Variants in CPT1A observed in about 807,000 individuals in gnomAD.
CPT1A encodes the protein carnitine palmitoyltransferase 1A.
A neutral mutation model predicts 100.8 loss-of-function variants in CPT1A; 64 were observed. The observed-to-expected ratio is 0.63, with a 90% CI of 0.52 to 0.78. The LOEUF (loss-of-function observed/expected upper bound fraction) is 0.78. CPT1A is among the 30% of genes least tolerant of loss of function. CPT1A has a pLI of 0.00. For missense variants in CPT1A, 802 were observed against 1,034.1 expected (o/e 0.78, Z 3.08); for synonymous variants, 363 against 396.0 (o/e 0.92, Z 0.99).
At chr11:68,815,201 C>T (rs1258452228) in intron 2 of CPT1A, 133 bp downstream of exon 2, 19 of 903,828 alleles carry the variant, frequency 2.1e-5, no homozygotes, top group Non-Finnish European at 3.3e-5. Context: ...TGTCCCCAAG[C>T]CTTAAGTACC....
intron 9 of CPT1A, among the ~76,000 whole-genome samples, chr11:68,792,709 C>T (rs1394425309): frequency 2.0e-5 from 3 of 152,328 alleles, no homozygotes; most frequent in East Asian, 1.9e-4. Flanking sequence ...CCATCACAAA[C>T]GCTGACTGTG....
intron 14 of CPT1A, among the ~76,000 whole-genome samples, chr11:68,769,008 G>C (rs1284630128): frequency 1.3e-5 from 2 of 152,128 alleles, no homozygotes; most frequent in Non-Finnish European, 2.9e-5. Flanking sequence ...GTAAGATTAA[G>C]CTTATTACCT....
Position 68,757,660 on chromosome 11 carries a change from GAACTGAGACCA to G in CPT1A, c.2295_2305del (p.Gly766Ter). On this transcript the variant is annotated frameshift_variant, in exon 19 of 19. Coordinates refer to ENST00000265641, the MANE Select transcript of CPT1A (RefSeq NM_001876.4). LOFTEE classifies it high-confidence loss of function. ...CCAGTGGAATTACTTTTTGGAATTA[GAACTGAGACCA>G]AACAAAGTGATGATGTCAGTCATTG... is the stretch of plus-strand genomic sequence containing the variant. 6.2e-7 allele frequency: 1 copy of G among 1,614,116 alleles called. No individual in the cohort carries two copies. The highest frequency in any genetic ancestry group is 1.1e-5 in the South Asian group (1 of 91,078).
chr11:68,771,069 G>C (rs1272572799), intron 14 of CPT1A, among the ~76,000 whole-genome samples: 9 of 152,184 alleles, frequency 5.9e-5, no homozygotes, highest in Non-Finnish European at 1.2e-4. Flanking sequence ...TCCCACACCT[G>C]GGCCACGTGG....
chr11:68,813,605 G>C (rs1490736931), intron 2 of CPT1A, among the ~76,000 whole-genome samples: 1 of 149,746 alleles, frequency 6.7e-6, no homozygotes, highest in Non-Finnish European at 1.5e-5. Flanking sequence ...GGGTGGATGA[G>C]ACAGGAGGAT....
At chr11:68,768,209 G>C (rs1854874424) in intron 14 of CPT1A, among the ~76,000 whole-genome samples, 1 of 150,626 alleles carries the variant, frequency 6.6e-6, no homozygotes, top group Non-Finnish European at 1.5e-5. Context: ...CCGAGTAGCT[G>C]GGAGTACAGG....
In CPT1A at chr11:68,793,278, C is replaced by A. The variant is rs75425407; in HGVS notation, c.967+37G>T. On this transcript the variant is annotated intron_variant, in intron 9 of 18. Transcript: ENST00000265641. ...ATTCTGAGCATAGGGATGGAAAGTG[C>A]CGATTCTCCAGGGGGCCCTGAAGAA... 16,211 of 1,499,592 alleles carry A rather than the reference C, an allele frequency of 0.011. 103 individuals carry two copies. Among genetic ancestry groups the A allele is most frequent in the Middle Eastern group, 0.017 (72 of 4,346 alleles). 92.9% of individuals were successfully genotyped at this position (1,499,592 alleles called of 1,614,324 possible).
At chr11:68,814,661 C>A (rs578190052) in intron 2 of CPT1A, among the ~76,000 whole-genome samples, 1 of 151,360 alleles carries the variant, frequency 6.6e-6, no homozygotes, top group Non-Finnish European at 1.5e-5. Flanking sequence ...GTAGTTATTA[C>A]ATCCACTTGC....
chr11:68,773,916 G>A (rs751903907), intron 13 of CPT1A: 10 of 234,910 alleles, frequency 4.3e-5, no homozygotes, highest in Non-Finnish European at 7.7e-5. Flanking sequence ...CTCCAGCAGT[G>A]CTAGACAGGC....
At chr11:68,795,030 A>G in intron 7 of CPT1A, 119 bp from the exon 8 acceptor site, 1 of 767,352 alleles carries the variant, frequency 1.3e-6, no homozygotes, top group Non-Finnish European at 2.3e-6. Context: ...ATACATACAT[A>G]TTCGGTTACA....
At position 68,841,284 on chromosome 11, in the gene CPT1A, C is replaced by T. The variant is rs557066262; in HGVS notation, c.-14+491G>A. 2.6e-5 allele frequency among the ~76,000 whole-genome samples: 4 copies of T among 152,144 alleles called. No individual in the cohort carries two copies. Among genetic ancestry groups the T allele is most frequent in the African/African-American group, 7.2e-5 (3 of 41,526 alleles). On this transcript the variant is annotated intron_variant, in intron 1 of 18. Transcript: ENST00000265641. The surrounding 1 kb of genome is among the most constrained non-coding windows in gnomAD (Gnocchi z 6.3). Reference sequence around the variant, plus strand: ...GATGGGCAGGGACAGGAGCCGGAGGCCCTACTGGCCCCGGGCGAAGGCATC... The same window carrying T: ...GATGGGCAGGGACAGGAGCCGGAGGTCCTACTGGCCCCGGGCGAAGGCATC...
rs570655211 is a variant in CPT1A, at chr11:68,783,425, G to A, written c.1163+1390C>T. Among the ~76,000 whole-genome samples the A allele has an allele frequency of 6.6e-5, 10 of 152,108 alleles. No homozygotes were observed. In the South Asian group the frequency reaches 1.2e-3, roughly 19 times the overall value. On this transcript the variant is annotated intron_variant, in intron 10 of 18. Transcript: ENST00000265641. ...CGGCTCCTGCCTGCTCTGCTACCCC[G>A]GGGCATGCGGCTCCACCCCCTGGAC...
chr11:68,834,694 T>G (rs144226697), intron 1 of CPT1A, among the ~76,000 whole-genome samples: 1 of 152,122 alleles, frequency 6.6e-6, no homozygotes, highest in Non-Finnish European at 1.5e-5. Context: ...TGAGCTATGA[T>G]CACGCCACTG....
intron 17 of CPT1A, among the ~76,000 whole-genome samples, chr11:68,759,874 C>T (rs1428601431): frequency 6.6e-6 from 1 of 151,076 alleles, no homozygotes; most frequent in African/African-American, 2.4e-5. Context: ...CAAAAAAATA[C>T]ACACACACAC....
intron 1 of CPT1A, among the ~76,000 whole-genome samples, chr11:68,831,383 A>T (rs1222902360): frequency 6.6e-6 from 1 of 152,218 alleles, no homozygotes; most frequent in Non-Finnish European, 1.5e-5. Context: ...CGCCCAAGGA[A>T]AATGGAGATA....
chr11:68,811,474 C>A (rs1856204943), intron 3 of CPT1A, among the ~76,000 whole-genome samples: 2 of 152,152 alleles, frequency 1.3e-5, no homozygotes, highest in Admixed American at 1.3e-4. Context: ...CTGCGTTCCA[C>A]TGTCTGGACG....
At chr11:68,805,266 A>G (rs1192434379) in intron 4 of CPT1A, among the ~76,000 whole-genome samples, 2 of 152,070 alleles carry the variant, frequency 1.3e-5, no homozygotes, top group Non-Finnish European at 2.9e-5. Context: ...CCTGGCCAAC[A>G]TGGCGAAACC....
In CPT1A at chr11:68,775,405, G is replaced by A; in HGVS notation, c.1486C>T (p.Leu496=). The part of the protein sequence containing the change: ...EYVMSIDSLQ[L]GYAEDGHCKG... Reference sequence around the variant, plus strand: ...CAGTGCCCATCCTCCGCATAGCCCAGCTGGAGGCTGTCAATGGACATGACG... The same window carrying A: ...CAGTGCCCATCCTCCGCATAGCCCAACTGGAGGCTGTCAATGGACATGACG... The change falls in exon 13 of 19, where the codon CTG becomes TTG. Residue 496 remains leucine, a synonymous_variant. Transcript: ENST00000265641. The A allele has an allele frequency of 6.2e-7, 1 of 1,614,102 alleles. No homozygotes were observed. The highest frequency in any genetic ancestry group is 8.5e-7 in the Non-Finnish European group (1 of 1,179,912).
intron 1 of CPT1A, among the ~76,000 whole-genome samples, chr11:68,819,612 C>G (rs1364915727): frequency 6.6e-6 from 1 of 152,178 alleles, no homozygotes; most frequent in Admixed American, 6.5e-5. Context: ...GTTATGTATC[C>G]AACACTTGCT....
Sources: allele counts gnomAD v4.1 joint callset (sites outside exome capture counted in the v4.1 genomes callset), GRCh38; gene constraint gnomAD v4.1.1; non-coding constraint Gnocchi (gnomAD v3.1); transcripts MANE v1.5; gene names NCBI Gene and HGNC (gene_info 2026-07-23, HGNC 2026-07-21).